Variants in PSD2 observed in about 807,000 individuals in gnomAD.
PSD2 encodes the protein pleckstrin and Sec7 domain containing 2.
In PSD2, 38 loss-of-function variants were observed where a neutral mutation model predicts 69.8. That is an observed-to-expected ratio of 0.54 (90% confidence interval 0.42 to 0.71). The LOEUF (loss-of-function observed/expected upper bound fraction) is 0.71, where lower values mean the gene tolerates loss of function less well. Ranked by LOEUF, PSD2 falls within the 30% of genes least tolerant of loss-of-function variation. The pLI, the probability that PSD2 is intolerant of heterozygous loss-of-function variation, is 0.00. For missense variants in PSD2, 943 were observed against 1,014.5 expected (o/e 0.93, Z 0.96); for synonymous variants, 412 against 423.0 (o/e 0.97, Z 0.32).
chr5:139,805,355 C>G (rs920907200), intron 1 of PSD2, among the ~76,000 whole-genome samples: 4 of 152,240 alleles, frequency 2.6e-5, no homozygotes, highest in Admixed American at 2.0e-4. Flanking sequence ...CGAGCAGTTC[C>G]TCAATCTCTC....
the PSD2 span, chr5:139,743,838 C>G: frequency 6.6e-6 from 1 of 152,372 alleles, no homozygotes; most frequent in Non-Finnish European, 1.5e-5. Flanking sequence ...ATGGGATAGC[C>G]ACAAGTTGGG....
At chr5:139,788,154 G>T in the PSD2 span, among the ~76,000 whole-genome samples, 22 of 151,438 alleles carry the variant, frequency 1.5e-4, no homozygotes, top group East Asian at 4.2e-3. Context: ...CCAGCAGAGG[G>T]AGGCGGAGAG....
chr5:139,776,465 T>C, the PSD2 span, among the ~76,000 whole-genome samples: 2 of 152,220 alleles, frequency 1.3e-5, no homozygotes, highest in East Asian at 3.9e-4. Context: ...GGGCTGAGGC[T>C]TTGTTTGTTT....
In PSD2 at chr5:139,813,595, A is replaced by G. The variant is rs1025407087; in HGVS notation, c.658A>G (p.Ser220Gly). The G allele has an allele frequency of 1.2e-6, 2 of 1,613,848 alleles. No individual in the cohort carries two copies. The highest frequency in any genetic ancestry group is 1.7e-6 in the Non-Finnish European group (2 of 1,179,892). ...GAAGGDGELG[S>G]PLRRSISSSR... ...AGCTGGTGGTGATGGGGAGCTGGGC[A>G]GCCCCCTGCGGCGCTCCATCTCCAG... Residue 220 changes from serine (S) to glycine (G), a missense_variant, in exon 3 of 15, where the codon AGC becomes GGC. Physicochemically the swap from Ser to Gly is moderately conservative, Grantham distance 56 (BLOSUM62 0). Around this residue, in one of 3 missense-constraint regions of PSD2, gnomAD observed 466 missense variants for 445.0 expected, o/e 1.05. Transcript: ENST00000274710.
At chr5:139,808,347 G>C (rs1006035186) in intron 1 of PSD2, among the ~76,000 whole-genome samples, 3 of 152,210 alleles carry the variant, frequency 2.0e-5, no homozygotes, top group African/African-American at 7.2e-5. Context: ...GATTAGGTTG[G>C]GCAGGAAGCC....
At chr5:139,770,859 T>G in the PSD2 span, among the ~76,000 whole-genome samples, 1 of 152,250 alleles carries the variant, frequency 6.6e-6, no homozygotes, top group Non-Finnish European at 1.5e-5. Flanking sequence ...TACACATGTG[T>G]GCACAAGGTA....
At chr5:139,776,070 G>C in the PSD2 span, among the ~76,000 whole-genome samples, 1 of 152,328 alleles carries the variant, frequency 6.6e-6, no homozygotes, top group East Asian at 1.9e-4. Context: ...CAGGGGCCCT[G>C]GGGAGAGCTC....
the PSD2 span, among the ~76,000 whole-genome samples, chr5:139,755,372 G>A: frequency 6.6e-6 from 1 of 152,300 alleles, no homozygotes; most frequent in East Asian, 1.9e-4. Context: ...GTGCTTTGAT[G>A]TGTGCGTGTC....
rs1284321582 is a variant in PSD2 at position 139,837,547 on chromosome 5, A to T, written c.1666-78A>T. The T allele has an allele frequency of 2.1e-6, 3 of 1,431,782 alleles. No homozygotes were observed. The African/African-American group carries it at 4.3e-5, about 20-fold the overall frequency. The allele number at this position is 1,431,782 out of a possible 1,614,324, so 88.7% of individuals were successfully genotyped here. Reference sequence around the variant, plus strand: ...AGAAAATTAAGGGAGCCGTAGGGTTAGACAGAGAGCAGTGAGGGGAGGGGA... The same window carrying T: ...AGAAAATTAAGGGAGCCGTAGGGTTTGACAGAGAGCAGTGAGGGGAGGGGA... On this transcript the variant is annotated intron_variant, in intron 11 of 14. Transcript: ENST00000274710. This position sits in a 1 kb window ranked among gnomAD's most constrained non-coding sequence, Gnocchi z 5.0.
chr5:139,795,676 G>A (rs1759501028), upstream of PSD2: 1 of 151,706 alleles, frequency 6.6e-6, no homozygotes, highest in Non-Finnish European at 1.5e-5. This position sits in a 1 kb window ranked among gnomAD's most constrained non-coding sequence, Gnocchi z 4.5. Flanking sequence ...AAGCGGACAG[G>A]GCTGGGGGCC....
chr5:139,830,565 CCTTTCTTT>C (rs778306206), intron 7 of PSD2, among the ~76,000 whole-genome samples: 28 of 120,410 alleles, frequency 2.3e-4, no homozygotes, highest in Non-Finnish European at 2.8e-4. Flanking sequence ...TTCCTTCCTT[CCTTTCTTT>C]CTTTCTTTCT....
the PSD2 span, among the ~76,000 whole-genome samples, chr5:139,765,062 C>A: frequency 6.6e-6 from 1 of 151,870 alleles, no homozygotes; most frequent in African/African-American, 2.4e-5. Context: ...GTACCTGCCA[C>A]GAACCCTTCC....
chr5:139,754,787 G>A, the PSD2 span, among the ~76,000 whole-genome samples: 1 of 152,192 alleles, frequency 6.6e-6, no homozygotes, highest in African/African-American at 2.4e-5. Context: ...TGAGGTGGGA[G>A]GATCACTTGA....
At chr5:139,767,658 G>A in the PSD2 span, among the ~76,000 whole-genome samples, 1 of 152,156 alleles carries the variant, frequency 6.6e-6, no homozygotes, top group Admixed American at 6.5e-5. Flanking sequence ...TATAAAATGA[G>A]GATCAAAACT....
chr5:139,834,974 A>G (rs2126965036), intron 8 of PSD2, among the ~76,000 whole-genome samples: 1 of 143,948 alleles, frequency 6.9e-6, no homozygotes, highest in Non-Finnish European at 1.5e-5. Context: ...CTCCCTTCCC[A>G]CTCCTCGCAT....
the PSD2 span, among the ~76,000 whole-genome samples, chr5:139,777,899 A>G: frequency 1.3e-5 from 2 of 152,142 alleles, no homozygotes; most frequent in African/African-American, 4.8e-5. Context: ...AGACAAATAA[A>G]AAAAGAAATG....
In PSD2 at chr5:139,837,395, T is replaced by C. The variant is rs770046484; in HGVS notation, c.1665+157T>C. 7.2e-5 allele frequency among the ~76,000 whole-genome samples: 11 copies of C among 152,120 alleles called. No homozygotes were observed. The highest frequency in any genetic ancestry group is 1.5e-4 in the Non-Finnish European group (10 of 68,000). Reference sequence around the variant, plus strand: ...GGCCCTCTCAGGGCTTTGGAGGTTTTTGGGAGAACTTGGTGCCCAGTGGCT... The same window carrying C: ...GGCCCTCTCAGGGCTTTGGAGGTTTCTGGGAGAACTTGGTGCCCAGTGGCT... On this transcript the variant is annotated intron_variant, in intron 11 of 14. Coordinates refer to ENST00000274710, the MANE Select transcript of PSD2 (RefSeq NM_032289.4). The surrounding 1 kb of genome is among the most constrained non-coding windows in gnomAD (Gnocchi z 5.0).
chr5:139,745,068 G>C, the PSD2 span: 1 of 152,410 alleles, frequency 6.6e-6, no homozygotes, highest in African/African-American at 2.4e-5. Context: ...TGGGGTCCTT[G>C]GGTCTTCTGC....
the PSD2 span, among the ~76,000 whole-genome samples, chr5:139,766,831 CTTTCTT>C: frequency 0.022 from 718 of 32,350 alleles, 24 homozygotes; most frequent in Middle Eastern, 0.062. Flanking sequence ...TCCCTTCCTT[CTTTCTT>C]TCTTTCTTTC....
Sources: allele counts gnomAD v4.1 joint callset (sites outside exome capture counted in the v4.1 genomes callset), GRCh38; gene constraint gnomAD v4.1.1; regional missense constraint gnomAD v4.1.1; non-coding constraint Gnocchi (gnomAD v3.1); transcripts MANE v1.5; gene names NCBI Gene and HGNC (gene_info 2026-07-23, HGNC 2026-07-21).